The following GLIS3 variants were observed in gnomAD, a reference collection of about 807,000 sequenced individuals.
GLIS3 encodes the protein zinc finger protein GLIS3.
Under a neutral mutation model 78.6 loss-of-function variants are expected in GLIS3, and 53 were observed. The ratio of observed to expected loss-of-function variants is 0.67; its 90% confidence interval spans 0.54 to 0.85. The LOEUF (loss-of-function observed/expected upper bound fraction) is 0.85. Ranked by LOEUF, GLIS3 falls within the 40% of genes least tolerant of loss-of-function variation. The pLI is 0.00. For synonymous variants in GLIS3, 684 were observed against 509.9 expected (o/e 1.34, Z -4.60); for missense variants, 1,703 against 1,231.1 (o/e 1.38, Z -5.74).
chr9:4,422,016 C>T, the GLIS3 span, among the ~76,000 whole-genome samples: 1,088 of 152,292 alleles, frequency 7.1e-3, 8 homozygotes, highest in Non-Finnish European at 0.011. Context: ...GGTCCTGTGC[C>T]TCTGTCACCA....
chr9:4,097,145 T>A (rs561636019), intron 4 of GLIS3, among the ~76,000 whole-genome samples: 2 of 152,290 alleles, frequency 1.3e-5, no homozygotes, highest in East Asian at 3.9e-4. Flanking sequence ...GCCCTAAAGG[T>A]TTGGCGAGCT....
At chr9:4,036,272 C>CT (rs574580834) in intron 4 of GLIS3, among the ~76,000 whole-genome samples, 15 of 149,978 alleles carry the variant, frequency 1.0e-4, no homozygotes, top group East Asian at 3.9e-4. Context: ...AATCAAATCT[C>CT]TTTTTTTTTT....
intron 7 of GLIS3, chr9:3,898,421 C>T: frequency 2.1e-6 from 1 of 482,600 alleles, no homozygotes; most frequent in Non-Finnish European, 3.8e-6. Context: ...TGTAACATAA[C>T]TGCGAGGGTT....
chr9:4,252,684 G>A (rs187922480), intron 2 of GLIS3, among the ~76,000 whole-genome samples: 26 of 152,284 alleles, frequency 1.7e-4, no homozygotes, highest in African/African-American at 5.8e-4. Context: ...TGGAGGAGAA[G>A]AGGTGTTCTG....
chr9:4,063,406 C>G (rs1826820193), intron 4 of GLIS3, among the ~76,000 whole-genome samples: 1 of 152,066 alleles, frequency 6.6e-6, no homozygotes, highest in Non-Finnish European at 1.5e-5. Context: ...ATCCTACCAC[C>G]AAGAGTGGCT....
rs190704591 is a variant in GLIS3 at position 4,290,337 on chromosome 9, A to C, written c.-98-3814T>G. 2.2e-3 allele frequency among the ~76,000 whole-genome samples: 331 copies of C among 152,198 alleles called. 3 individuals carry two copies. Among genetic ancestry groups the C allele is most frequent in the African/African-American group, 7.3e-3 (303 of 41,530 alleles). ...CTGGCCAGCAAACAAACTGCTTCTG[A>C]CTCTACTTCTTATATATCTGTCTAA... is the stretch of plus-strand genomic sequence containing the variant. On this transcript the variant is annotated intron_variant, in intron 1 of 10. Transcript: ENST00000381971.
chr9:4,334,779 G>C (rs1202934020), intron 2 of GLIS3, among the ~76,000 whole-genome samples: 1 of 152,132 alleles, frequency 6.6e-6, no homozygotes, highest in Non-Finnish European at 1.5e-5. Context: ...AGCGAACCTG[G>C]GGCTTGTCCA....
intron 6 of GLIS3, among the ~76,000 whole-genome samples, chr9:3,913,890 T>C (rs776362410): frequency 1.3e-5 from 2 of 152,146 alleles, no homozygotes; most frequent in Admixed American, 6.5e-5. Context: ...ACTCTATAAA[T>C]GTTTAGGGAA....
intron 2 of GLIS3, among the ~76,000 whole-genome samples, chr9:4,195,124 A>G (rs569363595): frequency 2.8e-4 from 43 of 152,336 alleles, no homozygotes; most frequent in Admixed American, 7.8e-4. Flanking sequence ...AGCTCCTCCA[A>G]CTGAGAGGTG....
At chr9:4,142,203 T>A (rs907672933) in intron 2 of GLIS3, among the ~76,000 whole-genome samples, 2 of 152,240 alleles carry the variant, frequency 1.3e-5, no homozygotes, top group African/African-American at 4.8e-5. Flanking sequence ...ATGTTCTCCC[T>A]AAAATAATAC....
intron 2 of GLIS3, among the ~76,000 whole-genome samples, chr9:4,209,988 T>C (rs931928464): frequency 1.3e-5 from 2 of 152,240 alleles, no homozygotes; most frequent in African/African-American, 4.8e-5. Flanking sequence ...AGTCTATGGC[T>C]TAACATCAAG....
chr9:4,329,452 G>T (rs561857891), intron 2 of GLIS3, among the ~76,000 whole-genome samples: 4 of 152,066 alleles, frequency 2.6e-5, no homozygotes, highest in African/African-American at 7.2e-5. Context: ...TATTTCAAAT[G>T]CCTTTCATTT....
chr9:4,283,417 C>T (rs182448359), intron 2 of GLIS3, among the ~76,000 whole-genome samples: 4 of 152,102 alleles, frequency 2.6e-5, no homozygotes, highest in Admixed American at 2.6e-4. Flanking sequence ...AGGCGCCCAC[C>T]ACCACACCCG....
chr9:4,300,246 A>ACACACACACACT (rs1491535352), upstream of GLIS3, among the ~76,000 whole-genome samples: 2 of 131,544 alleles, frequency 1.5e-5, no homozygotes, highest in African/African-American at 5.5e-5. Context: ...ACACACACAC[A>ACACACACACACT]CTCCCCGTGC....
At chr9:4,087,920 T>C (rs1054480981) in intron 4 of GLIS3, among the ~76,000 whole-genome samples, 1 of 152,158 alleles carries the variant, frequency 6.6e-6, no homozygotes, top group Non-Finnish European at 1.5e-5. Context: ...CTATTGTCCA[T>C]CTCGCATTAT....
At chr9:4,196,407 C>T (rs1045100156) in intron 2 of GLIS3, among the ~76,000 whole-genome samples, 7 of 152,174 alleles carry the variant, frequency 4.6e-5, no homozygotes, top group African/African-American at 1.2e-4. Flanking sequence ...GGTCCCTTTC[C>T]GCACTGTGGA....
rs548499843 is a variant in GLIS3 at position 4,212,249 on chromosome 9, T to G, written c.388+73789A>C. Among the ~76,000 whole-genome samples the G allele has an allele frequency of 6.6e-5, 10 of 152,338 alleles. 1 individual carries two copies. Among genetic ancestry groups the G allele is most frequent in the African/African-American group, 1.9e-4 (8 of 41,576 alleles). On this transcript the variant is annotated intron_variant, in intron 2 of 10. Transcript: ENST00000381971. Reference sequence around the variant, plus strand: ...TCAAGGACTGACTTTCATCTCTTTTTCCCCAATGGCTGAGTTCTAGGTGCT... The same window carrying G: ...TCAAGGACTGACTTTCATCTCTTTTGCCCCAATGGCTGAGTTCTAGGTGCT...
intron 4 of GLIS3, chr9:4,054,328 C>G (rs545664588): frequency 1.0e-6 from 1 of 985,364 alleles, no homozygotes; most frequent in East Asian, 1.1e-4. Context: ...CACAACTCCA[C>G]AAGACCTCCA....
At chr9:3,925,114 T>C (rs1019802369) in intron 6 of GLIS3, among the ~76,000 whole-genome samples, 7 of 152,194 alleles carry the variant, frequency 4.6e-5, no homozygotes, top group African/African-American at 1.7e-4. Context: ...CTTTGTTACA[T>C]TTGACAAAAT....
Sources: gnomAD v4.1 joint callset for allele counts (sites outside exome capture counted in the v4.1 genomes callset) on GRCh38, gnomAD v4.1.1 for gene constraint, MANE v1.5 for transcripts, NCBI Gene and HGNC (gene_info 2026-07-23, HGNC 2026-07-21) for gene names.